SLC25A17: variants seen among roughly 807,000 people sequenced by gnomAD.
The protein encoded by SLC25A17 is solute carrier family 25 member 17.
A neutral mutation model predicts 38.5 loss-of-function variants in SLC25A17; 26 were observed. That is an observed-to-expected ratio of 0.68 (90% CI 0.50 to 0.94). The LOEUF (loss-of-function observed/expected upper bound fraction) is 0.94. Ranked by LOEUF, SLC25A17 falls within the 40% of genes least tolerant of loss-of-function variation. SLC25A17 has a pLI of 0.00. For missense variants in SLC25A17, 333 were observed against 372.7 expected, an observed-to-expected ratio of 0.89 and a Z score of 0.88; for synonymous variants, 139 against 136.2, an observed-to-expected ratio of 1.02 and a Z score of -0.14.
At chr22:40,785,804 G>T (rs567119156) in intron 4 of SLC25A17, among the ~76,000 whole-genome samples, 115 of 148,244 alleles carry the variant, frequency 7.8e-4, no homozygotes, top group African/African-American at 2.5e-3. Context: ...CTGCTAATTG[G>T]TTTTTTTTTT....
intron 5 of SLC25A17, among the ~76,000 whole-genome samples, chr22:40,777,782 CAA>C (rs76343843): frequency 3.0e-4 from 27 of 90,236 alleles, no homozygotes; most frequent in African/African-American, 2.5e-4. Flanking sequence ...ACTCCATTTC[CAA>C]AAAAAAAAAA....
chr22:40,790,331 A>G (rs191943478), intron 4 of SLC25A17, among the ~76,000 whole-genome samples: 2 of 125,324 alleles, frequency 1.6e-5, no homozygotes, highest in Admixed American at 1.7e-4. Context: ...ACAGAGTGAG[A>G]CACAATCTCA....
At chr22:40,772,937 C>T (rs943853431) in intron 8 of SLC25A17, among the ~76,000 whole-genome samples, 4 of 152,144 alleles carry the variant, frequency 2.6e-5, no homozygotes, top group Non-Finnish European at 2.9e-5. Flanking sequence ...CTTTGCCTGG[C>T]TGCATATTTT....
chr22:40,802,631 G>C (rs977382514), intron 1 of SLC25A17, among the ~76,000 whole-genome samples: 1 of 151,998 alleles, frequency 6.6e-6, no homozygotes, highest in Non-Finnish European at 1.5e-5. Context: ...GACAACAAGA[G>C]GGAAACTCCT....
intron 4 of SLC25A17, among the ~76,000 whole-genome samples, chr22:40,787,859 CA>C (rs2145667542): frequency 6.6e-6 from 1 of 152,258 alleles, no homozygotes; most frequent in East Asian, 1.9e-4. Context: ...ATGACTAAAA[CA>C]AAATTTTACA....
At chr22:40,773,445 AC>A (rs2057207834) in intron 8 of SLC25A17, among the ~76,000 whole-genome samples, 2 of 148,882 alleles carry the variant, frequency 1.3e-5, no homozygotes, top group Non-Finnish European at 3.0e-5. Context: ...GATTGAGATT[AC>A]CTATGTGTAG....
intron 1 of SLC25A17, among the ~76,000 whole-genome samples, chr22:40,816,060 C>T (rs1315519534): frequency 2.0e-5 from 3 of 152,020 alleles, no homozygotes; most frequent in Non-Finnish European, 4.4e-5. Context: ...GTGGCACATG[C>T]CTGTAAACCC....
At chr22:40,798,566 T>C (rs1264067584) in intron 2 of SLC25A17, among the ~76,000 whole-genome samples, 2 of 150,236 alleles carry the variant, frequency 1.3e-5, no homozygotes, top group Non-Finnish European at 2.9e-5. Context: ...TTCAAACTTC[T>C]GGGATACAGT....
chr22:40,793,938 G>T (rs1034789399), intron 3 of SLC25A17, among the ~76,000 whole-genome samples: 1 of 152,144 alleles, frequency 6.6e-6, no homozygotes, highest in Non-Finnish European at 1.5e-5. Flanking sequence ...AAAAGGCTTT[G>T]ATGTATGTAA....
intron 4 of SLC25A17, among the ~76,000 whole-genome samples, chr22:40,787,432 G>T (rs1262346539): frequency 6.6e-6 from 1 of 152,152 alleles, no homozygotes; most frequent in East Asian, 1.9e-4. Context: ...AAGAGCACAG[G>T]CATCCTAGCG....
chr22:40,783,542 C>A (rs1315179508), intron 4 of SLC25A17, among the ~76,000 whole-genome samples: 1 of 152,170 alleles, frequency 6.6e-6, no homozygotes. Flanking sequence ...CAGCCTCCTA[C>A]TCCTGGGCTT....
At chr22:40,783,862 C>T (rs942805181) in intron 4 of SLC25A17, among the ~76,000 whole-genome samples, 3 of 152,102 alleles carry the variant, frequency 2.0e-5, no homozygotes, top group Non-Finnish European at 4.4e-5. Flanking sequence ...CCCGCTACCA[C>T]ACCCAGTTAA....
chr22:40,806,812 T>A (rs528693272), intron 1 of SLC25A17, among the ~76,000 whole-genome samples: 15 of 152,340 alleles, frequency 9.8e-5, no homozygotes, highest in Non-Finnish European at 2.1e-4. Context: ...AAGGAAATCA[T>A]GTAACCTGTG....
rs1296984011 is a variant in SLC25A17, at chr22:40,789,747, A to T, written c.334+2778T>A. On this transcript the variant is annotated intron_variant, in intron 4 of 8. Transcript: ENST00000435456. The surrounding 1 kb of genome is among the most constrained non-coding windows in gnomAD (Gnocchi z 4.5). ...GTTCTCGAACTCCTGACCTCAGGTG[A>T]TACACCCGCCTCAGCCTCTCAAAGT... Among the ~76,000 whole-genome samples the T allele has an allele frequency of 6.6e-6, 1 of 151,746 alleles. No individual in the cohort carries two copies. Among genetic ancestry groups the T allele is most frequent in the African/African-American group, 2.4e-5 (1 of 41,334 alleles).
At chr22:40,807,761 T>C (rs142662090) in intron 1 of SLC25A17, among the ~76,000 whole-genome samples, 11 of 151,986 alleles carry the variant, frequency 7.2e-5, no homozygotes, top group Middle Eastern at 3.4e-3. Context: ...AAAATAATAA[T>C]AATAATAATG....
chr22:40,811,878 C>T (rs2057584631), intron 1 of SLC25A17, among the ~76,000 whole-genome samples: 2 of 150,988 alleles, frequency 1.3e-5, no homozygotes, highest in South Asian at 4.2e-4. Context: ...TTGGAGGGGT[C>T]AAACATCCAA....
intron 3 of SLC25A17, 108 bp from the exon 4 acceptor site, chr22:40,792,784 C>A: frequency 9.1e-7 from 1 of 1,101,860 alleles, no homozygotes; most frequent in South Asian, 1.5e-5. Flanking sequence ...AAGCTTCACT[C>A]CTACACGAAT....
intron 4 of SLC25A17, chr22:40,779,332 C>A: frequency 7.3e-7 from 1 of 1,368,898 alleles, no homozygotes; most frequent in Non-Finnish European, 9.6e-7. Context: ...AGCAAAATGG[C>A]TGGCGGCAGC....
intron 7 of SLC25A17, among the ~76,000 whole-genome samples, chr22:40,776,806 G>T (rs9623233): frequency 0.018 from 2,801 of 152,094 alleles, 79 homozygotes; most frequent in African/African-American, 0.063. Context: ...GAGGCAGGAG[G>T]ACTGCTTGAA....
Sources: gnomAD v4.1 joint callset for allele counts (sites outside exome capture counted in the v4.1 genomes callset) on GRCh38, gnomAD v4.1.1 for gene constraint, Gnocchi (gnomAD v3.1) non-coding constraint, MANE v1.5 for transcripts, NCBI Gene and HGNC (gene_info 2026-07-23, HGNC 2026-07-21) for gene names.